The following MAST4 variants were observed in gnomAD, a reference collection of about 807,000 sequenced individuals.
The protein encoded by MAST4 is microtubule-associated serine/threonine-protein kinase 4.
MAST4 carries 89 observed loss-of-function variants against 162.7 expected under a neutral mutation model. That is an observed-to-expected ratio of 0.55 (90% confidence interval 0.46 to 0.65). The LOEUF (loss-of-function observed/expected upper bound fraction) is 0.65. MAST4 is among the 30% of genes least tolerant of loss of function. The probability of loss-of-function intolerance (pLI) is 0.00; values close to 1 mark genes in which losing one functional copy is unlikely to be tolerated. For missense variants in MAST4, 3,153 were observed against 3,374.0 expected (o/e 0.93, Z 1.62); for synonymous variants, 1,479 against 1,361.1 (o/e 1.09, Z -1.91).
At chr5:66,680,721 C>G (rs1004525081) in intron 1 of MAST4, among the ~76,000 whole-genome samples, 34 of 152,270 alleles carry the variant, frequency 2.2e-4, no homozygotes, top group African/African-American at 7.7e-4. Context: ...GGTTTTTCCC[C>G]CTTCTTTGTG....
At chr5:66,609,704 T>G (rs1487666341) in intron 1 of MAST4, among the ~76,000 whole-genome samples, 2 of 93,080 alleles carry the variant, frequency 2.1e-5, no homozygotes, top group African/African-American at 1.3e-4. Flanking sequence ...TTTTTTTTTT[T>G]GTTTTTTTTT....
At chr5:66,638,113 C>T (rs1416597461) in intron 1 of MAST4, among the ~76,000 whole-genome samples, 6 of 152,056 alleles carry the variant, frequency 3.9e-5, no homozygotes, top group South Asian at 2.1e-4. Context: ...GTCTAATCAC[C>T]GTTAGGAACC....
At chr5:66,771,807 G>A (rs1754372109) in intron 2 of MAST4, among the ~76,000 whole-genome samples, 1 of 150,972 alleles carries the variant, frequency 6.6e-6, no homozygotes, top group Non-Finnish European at 1.5e-5. Flanking sequence ...TGGATGAGGC[G>A]TAATCATATT....
intron 9 of MAST4, 137 bp downstream of exon 9, chr5:67,102,748 T>G: frequency 4.3e-6 from 3 of 692,966 alleles, no homozygotes; most frequent in Non-Finnish European, 7.6e-6. Context: ...ATAGTCTTCT[T>G]AGAAAGAGAA....
intron 5 of MAST4, among the ~76,000 whole-genome samples, chr5:67,074,777 CATTAG>C (rs1221714134): frequency 6.6e-6 from 1 of 152,124 alleles, no homozygotes; most frequent in East Asian, 1.9e-4. Context: ...TACAATATTA[CATTAG>C]GATTATCGAT....
intron 4 of MAST4, among the ~76,000 whole-genome samples, chr5:66,914,400 A>G (rs1375751304): frequency 2.0e-5 from 3 of 152,210 alleles, no homozygotes; most frequent in Non-Finnish European, 4.4e-5. Flanking sequence ...TTTGTCCAAA[A>G]AGCCCCTCAG....
chr5:66,888,463 T>G (rs1435247691), intron 3 of MAST4, among the ~76,000 whole-genome samples: 2 of 152,196 alleles, frequency 1.3e-5, no homozygotes, highest in Non-Finnish European at 2.9e-5. Context: ...CTGTAGTAAA[T>G]AAAAATGATT....
At chr5:66,885,628 AGGTAATCCATTTTGGCT>A (rs1417612165) in intron 3 of MAST4, among the ~76,000 whole-genome samples, 1 of 152,232 alleles carries the variant, frequency 6.6e-6, no homozygotes, top group Non-Finnish European at 1.5e-5. Context: ...CCAATTGCCC[AGGTAATCCATTTTGGCT>A]TAGTTTTAAA....
At chr5:67,006,941 T>G (rs1461200345) in intron 4 of MAST4, among the ~76,000 whole-genome samples, 2 of 152,190 alleles carry the variant, frequency 1.3e-5, no homozygotes, top group African/African-American at 4.8e-5. Context: ...TCTCCCCCTT[T>G]TAAGAGTAAA....
intron 4 of MAST4, among the ~76,000 whole-genome samples, chr5:67,000,963 A>C (rs1751226059): frequency 6.6e-6 from 1 of 152,214 alleles, no homozygotes. Context: ...AATGGCTAAC[A>C]ATGTCATCCT....
chr5:66,629,955 T>C (rs968480932), intron 1 of MAST4, among the ~76,000 whole-genome samples: 8 of 152,208 alleles, frequency 5.3e-5, no homozygotes, highest in Admixed American at 4.6e-4. Context: ...GATGGAGTGG[T>C]GGGCTTTTTC....
At chr5:66,643,019 C>T (rs1025467923) in intron 1 of MAST4, among the ~76,000 whole-genome samples, 1 of 152,088 alleles carries the variant, frequency 6.6e-6, no homozygotes, top group East Asian at 1.9e-4. Flanking sequence ...AATTTCAGAA[C>T]ATGGACCGTT....
intron 4 of MAST4, among the ~76,000 whole-genome samples, chr5:67,040,663 C>G (rs1474936763): frequency 2.0e-5 from 3 of 152,228 alleles, no homozygotes; most frequent in African/African-American, 7.2e-5. Flanking sequence ...ACTCAAAAGT[C>G]TGGTTTGGTT....
intron 1 of MAST4, among the ~76,000 whole-genome samples, chr5:66,671,750 A>C (rs1747624921): frequency 6.6e-6 from 1 of 152,222 alleles, no homozygotes; most frequent in Non-Finnish European, 1.5e-5. Context: ...AAGCTCTTTC[A>C]AGTGAGGTGC....
intron 12 of MAST4, among the ~76,000 whole-genome samples, chr5:67,118,386 C>T (rs979963431): frequency 2.0e-5 from 3 of 152,190 alleles, no homozygotes; most frequent in South Asian, 2.1e-4. Context: ...GTTGACCCAC[C>T]GAAGCCTTTC....
chr5:66,792,432 CT>C (rs1755457366), intron 3 of MAST4: 1 of 166,468 alleles, frequency 6.0e-6, no homozygotes, highest in Non-Finnish European at 1.5e-5. Flanking sequence ...GGGCAGAATT[CT>C]TGTCTGATTT....
intron 26 of MAST4, among the ~76,000 whole-genome samples, chr5:67,158,839 A>G (rs2151104128): frequency 6.6e-6 from 1 of 152,336 alleles, no homozygotes; most frequent in South Asian, 2.1e-4. Context: ...GTTCAAGACC[A>G]GCCTGACCAA....
At chr5:67,096,796 T>C (rs1764514218) in intron 7 of MAST4, among the ~76,000 whole-genome samples, 1 of 152,196 alleles carries the variant, frequency 6.6e-6, no homozygotes, top group Admixed American at 6.5e-5. Flanking sequence ...TTTCTATCCA[T>C]TATTCCATTT....
Position 67,152,438 on chromosome 5 carries a change from A to G in MAST4, c.3296-199A>G, listed in dbSNP as rs1230025927. Among the ~76,000 whole-genome samples, 5 of 152,346 alleles carry G rather than the reference A, an allele frequency of 3.3e-5. No individual in the cohort carries two copies. In the East Asian group the frequency reaches 9.6e-4, roughly 29 times the overall value. On this transcript the variant is annotated intron_variant, in intron 24 of 28. Coordinates refer to ENST00000403625, the MANE Select transcript of MAST4 (RefSeq NM_001164664.2). ...TTAGTTAAAATAGCAACACTCTTGA[A>G]GTTTGACAGTTTTGGAATTCATGCT...
Sources: gnomAD v4.1 joint callset for allele counts (sites outside exome capture counted in the v4.1 genomes callset) on GRCh38, gnomAD v4.1.1 for gene constraint, MANE v1.5 for transcripts, NCBI Gene and HGNC (gene_info 2026-07-23, HGNC 2026-07-21) for gene names.